The following TBC1D5 variants were observed in gnomAD, a reference collection of about 807,000 sequenced individuals.
TBC1D5 encodes TBC1 domain family, member 5.
A neutral mutation model predicts 100.3 loss-of-function variants in TBC1D5; 75 were observed. The observed-to-expected ratio is 0.75, with a 90% CI of 0.62 to 0.91. The LOEUF (loss-of-function observed/expected upper bound fraction) is 0.91. Among genes scored for constraint, TBC1D5 ranks in the 40% least tolerant of loss-of-function variants. The pLI, the probability that TBC1D5 is intolerant of heterozygous loss-of-function variation, is 0.00. For synonymous variants in TBC1D5, 323 were observed against 325.6 expected, an observed-to-expected ratio of 0.99 and a Z score of 0.09; for missense variants, 910 against 942.4, an observed-to-expected ratio of 0.97 and a Z score of 0.45.
intron 13 of TBC1D5, among the ~76,000 whole-genome samples, chr3:17,345,922 G>A (rs533490352): frequency 6.6e-6 from 1 of 152,036 alleles, no homozygotes; most frequent in African/African-American, 2.4e-5. Flanking sequence ...ACTGTTGTGG[G>A]GTGGGGAGAG....
chr3:17,286,346 A>G (rs1660886965), intron 15 of TBC1D5, among the ~76,000 whole-genome samples: 1 of 152,220 alleles, frequency 6.6e-6, no homozygotes. Flanking sequence ...AAGGAACACA[A>G]TATGCTCACA....
chr3:17,359,360 A>T (rs959810905), intron 13 of TBC1D5, among the ~76,000 whole-genome samples: 1 of 152,102 alleles, frequency 6.6e-6, no homozygotes, highest in African/African-American at 2.4e-5. Context: ...TCTTATATTT[A>T]GGTCAGAAAA....
chr3:17,480,678 C>T (rs2095491443), intron 3 of TBC1D5, among the ~76,000 whole-genome samples: 1 of 152,090 alleles, frequency 6.6e-6, no homozygotes, highest in African/African-American at 2.4e-5. Flanking sequence ...CTCCTCTCCA[C>T]TGAGAGCTGG....
At chr3:17,572,703 C>T (rs1418852621) in intron 2 of TBC1D5, among the ~76,000 whole-genome samples, 1 of 152,068 alleles carries the variant, frequency 6.6e-6, no homozygotes, top group African/African-American at 2.4e-5. Context: ...TCAAATTCGA[C>T]GACCACTTTT....
chr3:17,162,187 C>T (rs1451926208), intron 21 of TBC1D5, among the ~76,000 whole-genome samples: 1 of 152,220 alleles, frequency 6.6e-6, no homozygotes, highest in Non-Finnish European at 1.5e-5. Context: ...CTCACCCTGT[C>T]TGCCTACCCT....
intron 4 of TBC1D5, among the ~76,000 whole-genome samples, chr3:17,419,293 C>G (rs1308072363): frequency 6.6e-6 from 1 of 152,100 alleles, no homozygotes; most frequent in Non-Finnish European, 1.5e-5. Context: ...GCAATAAGCC[C>G]CTGTAACCAA....
chr3:17,437,399 G>T (rs17043623), intron 3 of TBC1D5, among the ~76,000 whole-genome samples: 13,853 of 151,962 alleles, frequency 0.091, 1,425 homozygotes, highest in African/African-American at 0.26. Flanking sequence ...ACCTGATGTC[G>T]TAGAAATATA....
At chr3:17,260,504 C>T (rs946567199) in intron 15 of TBC1D5, among the ~76,000 whole-genome samples, 1 of 152,066 alleles carries the variant, frequency 6.6e-6, no homozygotes, top group African/African-American at 2.4e-5. Context: ...TCCTAAGAGA[C>T]TTACTGGTAT....
chr3:17,457,310 C>A (rs2095110048), intron 3 of TBC1D5, among the ~76,000 whole-genome samples: 1 of 151,976 alleles, frequency 6.6e-6, no homozygotes, highest in African/African-American at 2.4e-5. Flanking sequence ...TTCCAAGACT[C>A]CAATTACATG....
intron 3 of TBC1D5, among the ~76,000 whole-genome samples, chr3:17,473,890 T>C (rs987048549): frequency 2.0e-4 from 24 of 122,498 alleles, no homozygotes; most frequent in Admixed American, 1.5e-4. Context: ...TTTACTTTAC[T>C]TTTTTTTTTT....
At chr3:17,229,329 G>A (rs1488054261) in intron 17 of TBC1D5, among the ~76,000 whole-genome samples, 1 of 152,152 alleles carries the variant, frequency 6.6e-6, no homozygotes, top group Non-Finnish European at 1.5e-5. Flanking sequence ...GTCTACTAAT[G>A]AAAGACATGC....
chr3:17,498,065 A>G (rs1279321544), intron 3 of TBC1D5, among the ~76,000 whole-genome samples: 1 of 152,142 alleles, frequency 6.6e-6, no homozygotes, highest in Non-Finnish European at 1.5e-5. Flanking sequence ...TAAAATAAAT[A>G]ACTTTCATAA....
At chr3:17,577,902 A>C (rs371393923) in intron 2 of TBC1D5, among the ~76,000 whole-genome samples, 3 of 151,922 alleles carry the variant, frequency 2.0e-5, no homozygotes, top group African/African-American at 7.2e-5. Flanking sequence ...CCCATTGTTC[A>C]AAAAAAGGAG....
intron 15 of TBC1D5, among the ~76,000 whole-genome samples, chr3:17,284,856 C>T (rs1355273368): frequency 6.6e-6 from 1 of 151,954 alleles, no homozygotes; most frequent in Non-Finnish European, 1.5e-5. Context: ...TGAAAATACA[C>T]CTAATTAGTC....
At chr3:17,618,342 G>A (rs1352741579) in intron 2 of TBC1D5, among the ~76,000 whole-genome samples, 1 of 152,202 alleles carries the variant, frequency 6.6e-6, no homozygotes, top group Non-Finnish European at 1.5e-5. Flanking sequence ...CTCCCAGTTA[G>A]GCTACATGGG....
At chr3:17,216,618 A>G (rs2073667490) in intron 17 of TBC1D5, among the ~76,000 whole-genome samples, 1 of 152,108 alleles carries the variant, frequency 6.6e-6, no homozygotes, top group African/African-American at 2.4e-5. Context: ...ATAAGGGCCT[A>G]GACTATGAAA....
At chr3:17,562,474 A>T (rs958064415) in intron 2 of TBC1D5, among the ~76,000 whole-genome samples, 24 of 151,988 alleles carry the variant, frequency 1.6e-4, no homozygotes, top group Non-Finnish European at 2.9e-4. Context: ...GAAATTAAAA[A>T]ATTTTTAAAT....
rs79521627 is a variant in TBC1D5, at chr3:17,251,078, A to G, written c.1331+7428T>C. Among the ~76,000 whole-genome samples, 3 of 152,306 alleles carry G rather than the reference A, an allele frequency of 2.0e-5. No individual in the cohort carries two copies. In the East Asian group the frequency reaches 5.8e-4, roughly 29 times the overall value. On this transcript the variant is annotated intron_variant, in intron 16 of 21. Coordinates refer to ENST00000253692, the Ensembl canonical transcript of TBC1D5. ...AAGTGCCTGTATTTCCTTAGTCACC[A>G]ATGAGGGAGTACGAATGGAAACAAG...
chr3:17,528,921 C>T (rs1175270684), intron 2 of TBC1D5, among the ~76,000 whole-genome samples: 1 of 152,190 alleles, frequency 6.6e-6, no homozygotes, highest in African/African-American at 2.4e-5. Context: ...AACTCTAAGA[C>T]TTACTAGACA....
Sources: allele counts gnomAD v4.1 joint callset (sites outside exome capture counted in the v4.1 genomes callset), GRCh38; gene constraint gnomAD v4.1.1; transcripts MANE v1.5; gene names NCBI Gene and HGNC (gene_info 2026-07-23, HGNC 2026-07-21).